The following ACSM4 variants were observed in gnomAD, a reference collection of about 807,000 sequenced individuals.
ACSM4 encodes the protein acyl-CoA synthetase medium chain family member 4, also known as acyl-coenzyme A synthetase ACSM4, mitochondrial.
ACSM4 carries 66 observed loss-of-function variants against 73.0 expected under a neutral mutation model. The observed-to-expected ratio is 0.90, with a 90% CI of 0.74 to 1.11. ACSM4 has a LOEUF of 1.11. Among genes scored for constraint, ACSM4 ranks in the 50% least tolerant of loss-of-function variants. ACSM4 has a pLI of 0.00. For missense variants in ACSM4, 645 were observed against 714.4 expected (o/e 0.90, Z 1.11); for synonymous variants, 222 against 254.0 (o/e 0.87, Z 1.20).
rs143769751 is a variant in ACSM4, at chr12:7,323,395, A to G, written c.1207-64A>G. 6.3e-4 allele frequency: 1,010 copies of G among 1,596,316 alleles called. 8 individuals carry two copies. In the African/African-American group the frequency reaches 9.7e-3, roughly 15 times the overall value. ...TCTGCTATTCATTGCACAACTATTC[A>G]TAAGCTGCTTTCATTTTTGTGAAAA... On this transcript the variant is annotated intron_variant, in intron 8 of 12. Coordinates refer to ENST00000399422, the MANE Select transcript of ACSM4 (RefSeq NM_001080454.2).
intron 2 of ACSM4, among the ~76,000 whole-genome samples, chr12:7,306,993 G>T (rs1483891045): frequency 6.6e-6 from 1 of 152,172 alleles, no homozygotes; most frequent in African/African-American, 2.4e-5. Flanking sequence ...GGTGGCTCAC[G>T]CCTGTAAGCC....
At chr12:7,319,599 A>G (rs1946444884) in intron 5 of ACSM4, among the ~76,000 whole-genome samples, 2 of 151,638 alleles carry the variant, frequency 1.3e-5, no homozygotes, top group Non-Finnish European at 1.5e-5. Context: ...CAAAAAAAAA[A>G]AAAAAAGAAA....
At chr12:7,314,603 A>AGTT (rs1946408535) in intron 3 of ACSM4, among the ~76,000 whole-genome samples, 1 of 151,222 alleles carries the variant, frequency 6.6e-6, no homozygotes, top group Admixed American at 6.6e-5. Context: ...GTAGGTAGAT[A>AGTT]GATGATAGAT....
intron 5 of ACSM4, among the ~76,000 whole-genome samples, chr12:7,320,510 T>C (rs1284900217): frequency 2.0e-5 from 3 of 152,258 alleles, no homozygotes; most frequent in Non-Finnish European, 4.4e-5. Context: ...TCTGTTACTG[T>C]AATATTAATA....
chr12:7,310,678 C>G lies in ACSM4; in HGVS notation c.552C>G (p.Asp184Glu). The change falls in exon 3 of 13, where the codon GAC becomes GAG. Residue 184 changes from aspartate (D) to glutamate (E), a missense_variant. Coordinates refer to ENST00000399422, the MANE Select transcript of ACSM4 (RefSeq NM_001080454.2). ...AVESIVLECP[D>E]LKTKLLVSPQ... ...AGTCCATTGTATTGGAGTGTCCTGA[C>G]CTTAAGACAAAACTCCTGGTGTCTC... The G allele has an allele frequency of 6.2e-7, 1 of 1,613,494 alleles. No individual in the cohort carries two copies. Among genetic ancestry groups the G allele is most frequent in the Non-Finnish European group, 8.5e-7 (1 of 1,179,744 alleles).
intron 3 of ACSM4, 143 bp from the exon 4 acceptor site, chr12:7,316,994 C>A: frequency 9.7e-7 from 1 of 1,033,424 alleles, no homozygotes; most frequent in Non-Finnish European, 1.3e-6. Flanking sequence ...TTGAGGAATT[C>A]CTCTCAGGAA....
At chr12:7,327,135 A>G (rs773014509) in intron 12 of ACSM4, 40 bp downstream of exon 12, 62 of 1,553,298 alleles carry the variant, frequency 4.0e-5, no homozygotes, top group Non-Finnish European at 1.7e-6. Context: ...GATGTTACCA[A>G]ACTAGGGTCT....
At position 7,323,512 on chromosome 12, in the gene ACSM4, C is replaced by T; in HGVS notation, c.1260C>T (p.Ala420=). Reference sequence around the variant, plus strand: ...CACCTGGCAAAGAAGGGGAAATTGCCCTCAGACTCAAACCTACACGGCCCT... The same window carrying T: ...CACCTGGCAAAGAAGGGGAAATTGCTCTCAGACTCAAACCTACACGGCCCT... ...VLPPGKEGEI[A]LRLKPTRPFC... The change falls in exon 9 of 13, where the codon GCC becomes GCT. Residue 420 remains alanine, a synonymous_variant. Transcript: ENST00000399422. 1 of 1,613,750 alleles carries T rather than the reference C, an allele frequency of 6.2e-7. No individual in the cohort carries two copies. The highest frequency in any genetic ancestry group is 8.5e-7 in the Non-Finnish European group (1 of 1,179,814).
chr12:7,324,746 C>T (rs1946491385), intron 11 of ACSM4, 148 bp downstream of exon 11: 1 of 819,958 alleles, frequency 1.2e-6, no homozygotes, highest in East Asian at 2.7e-5. Context: ...AGGCAACCAA[C>T]TTTACAATAA....
chr12:7,309,777 GT>G (rs1341809803), intron 2 of ACSM4, among the ~76,000 whole-genome samples: 2 of 151,840 alleles, frequency 1.3e-5, no homozygotes, highest in African/African-American at 2.4e-5. Flanking sequence ...GAGGCCACTG[GT>G]TTTTTTCTCT....
Position 7,328,395 on chromosome 12 carries a change from T to C in ACSM4, c.*22T>C, listed in dbSNP as rs745476871. 50 of 1,536,756 alleles carry C rather than the reference T, an allele frequency of 3.3e-5. No homozygotes were observed. The highest frequency in any genetic ancestry group is 1.5e-5 in the Non-Finnish European group (17 of 1,131,708). On this transcript the variant is annotated 3_prime_UTR_variant, in exon 13 of 13. Coordinates refer to ENST00000399422, the MANE Select transcript of ACSM4 (RefSeq NM_001080454.2). ...ATAGTTTGATAACAAAGCTGAAGGG[T>C]TAAGCAGTAATATGGTTGCTTTCTT...
intron 2 of ACSM4, 57 bp from the exon 3 acceptor site, chr12:7,310,482 A>C (rs1946384021): frequency 1.3e-6 from 2 of 1,515,386 alleles, no homozygotes; most frequent in African/African-American, 2.8e-5. Flanking sequence ...CACAAAGCCC[A>C]AGTCTTCCAC....
At chr12:7,322,061 C>T (rs924792275) in intron 6 of ACSM4, among the ~76,000 whole-genome samples, 1 of 152,164 alleles carries the variant, frequency 6.6e-6, no homozygotes, top group African/African-American at 2.4e-5. Flanking sequence ...TTCTAAAGCC[C>T]TTACAACATA....
Position 7,320,866 on chromosome 12 carries a change from C to G in ACSM4, c.1001+62C>G, listed in dbSNP as rs1946457907. The G allele has an allele frequency of 3.6e-6, 5 of 1,388,732 alleles. No homozygotes were observed. In the Admixed American group the frequency reaches 9.0e-5, roughly 25 times the overall value. The allele number at this position is 1,388,732 out of a possible 1,614,324, so 86.0% of individuals were successfully genotyped here. On this transcript the variant is annotated intron_variant, in intron 6 of 12. Coordinates refer to ENST00000399422, the MANE Select transcript of ACSM4 (RefSeq NM_001080454.2). ...ATAGCTACCATCCAGGATCACAGATCTCTCTTTTTCAGCATAGGATAGCTC... is the reference window on the plus strand; with the variant it reads ...ATAGCTACCATCCAGGATCACAGATGTCTCTTTTTCAGCATAGGATAGCTC...
chr12:7,323,125 C>T (rs1194240696), intron 7 of ACSM4, 109 bp from the exon 8 acceptor site: 1 of 985,456 alleles, frequency 1.0e-6, no homozygotes, highest in East Asian at 2.6e-5. Flanking sequence ...AGAAGGTGCG[C>T]CTGCATACCA....
rs779006926 is a variant in ACSM4, at chr12:7,310,599, G to A, written c.473G>A (p.Arg158Gln). Residue 158 changes from arginine to glutamine, a missense_variant, in exon 3 of 13, where the codon CGA becomes CAA. By Grantham distance (43) the Arg-to-Gln change is conservative (BLOSUM62 1). Coordinates refer to ENST00000399422, the MANE Select transcript of ACSM4 (RefSeq NM_001080454.2). ...LTAKDILYRL[R>Q]ASKAKCIVAS... Reference sequence around the variant, plus strand: ...GCAAAAGACATCCTCTACCGGCTGCGAGCATCCAAGGCCAAGTGCATTGTG... The same window carrying A: ...GCAAAAGACATCCTCTACCGGCTGCAAGCATCCAAGGCCAAGTGCATTGTG... 4.3e-5 allele frequency: 70 copies of A among 1,612,538 alleles called. No individual in the cohort carries two copies. Among genetic ancestry groups the A allele is most frequent in the Non-Finnish European group, 5.5e-5 (65 of 1,179,518 alleles).
Position 7,318,145 on chromosome 12 carries a change from A to G in ACSM4, c.884A>G (p.His295Arg). ...SWLCGACVFVHRMAQFDTDTF... is the reference protein window; with the variant it reads ...SWLCGACVFVRRMAQFDTDTF... The stretch of plus-strand genomic sequence containing the variant: ...CTGTGTGGAGCCTGTGTTTTTGTGC[A>G]TCGAATGGCACAGTTTGACACTGAC... Residue 295 changes from histidine (H) to arginine (R), a missense_variant, in exon 5 of 13, where the codon CAT (histidine) becomes CGT (arginine). Coordinates refer to ENST00000399422, the MANE Select transcript of ACSM4 (RefSeq NM_001080454.2). 1.9e-6 allele frequency: 3 copies of G among 1,613,648 alleles called. No individual in the cohort carries two copies. Among genetic ancestry groups the G allele is most frequent in the Non-Finnish European group, 2.5e-6 (3 of 1,179,822 alleles).
chr12:7,321,284 C>G (rs948816818), intron 6 of ACSM4, among the ~76,000 whole-genome samples: 1 of 152,168 alleles, frequency 6.6e-6, no homozygotes, highest in African/African-American at 2.4e-5. Context: ...GAAAAGCTAA[C>G]AAAATTTATG....
intron 6 of ACSM4, 51 bp from the exon 7 acceptor site, chr12:7,322,367 G>A: frequency 6.2e-6 from 10 of 1,610,862 alleles, no homozygotes; most frequent in Non-Finnish European, 8.5e-6. Flanking sequence ...GTCTTGCAGT[G>A]AAAGCACTCA....
Sources: allele counts gnomAD v4.1 joint callset (sites outside exome capture counted in the v4.1 genomes callset), GRCh38; gene constraint gnomAD v4.1.1; transcripts MANE v1.5; gene names NCBI Gene and HGNC (gene_info 2026-07-23, HGNC 2026-07-21).